PTPRN2: variants seen among roughly 807,000 people sequenced by gnomAD.
The protein encoded by PTPRN2 is protein tyrosine phosphatase receptor type N2.
PTPRN2 carries 74 observed loss-of-function variants against 118.8 expected under a neutral mutation model. That is an observed-to-expected ratio of 0.62 (90% CI 0.52 to 0.76). The LOEUF is 0.76. Ranked by LOEUF, PTPRN2 falls within the 30% of genes least tolerant of loss-of-function variation. The pLI is 0.00. For missense variants in PTPRN2, 1,481 were observed against 1,394.4 expected, an observed-to-expected ratio of 1.06 and a Z score of -0.99; for synonymous variants, 641 against 608.0, an observed-to-expected ratio of 1.05 and a Z score of -0.80.
intron 11 of PTPRN2, among the ~76,000 whole-genome samples, chr7:157,948,932 C>T (rs1457908930): frequency 6.6e-6 from 1 of 152,038 alleles, no homozygotes; most frequent in Non-Finnish European, 1.5e-5. Flanking sequence ...ATATAGTACT[C>T]GTGGGATTCA....
At chr7:157,961,807 T>C (rs1393519312) in intron 11 of PTPRN2, among the ~76,000 whole-genome samples, 1 of 152,346 alleles carries the variant, frequency 6.6e-6, no homozygotes, top group East Asian at 1.9e-4. Flanking sequence ...TGTCTACTTA[T>C]GGGAGCCCGA....
At chr7:157,820,220 C>T (rs556618333) in intron 12 of PTPRN2, among the ~76,000 whole-genome samples, 5 of 150,662 alleles carry the variant, frequency 3.3e-5, no homozygotes, top group African/African-American at 1.2e-4. Context: ...CCCACACAGT[C>T]ACACACCAAC....
intron 2 of PTPRN2, among the ~76,000 whole-genome samples, chr7:158,441,041 A>G (rs1271376085): frequency 9.6e-6 from 1 of 103,832 alleles, no homozygotes; most frequent in African/African-American, 4.0e-5. Context: ...CAGTGGTAGT[A>G]GTGATGGTGG....
rs1795588652 is a variant in PTPRN2 at position 157,874,459 on chromosome 7, G to A, written c.1788+24214C>T. Among the ~76,000 whole-genome samples the A allele has an allele frequency of 6.6e-6, 1 of 152,170 alleles. No homozygotes were observed. The highest frequency in any genetic ancestry group is 2.4e-5 in the African/African-American group (1 of 41,434). On this transcript the variant is annotated intron_variant, in intron 12 of 22. Coordinates refer to ENST00000389418, the MANE Select transcript of PTPRN2 (RefSeq NM_002847.5). The surrounding 1 kb of genome is among the most constrained non-coding windows in gnomAD (Gnocchi z 5.8). ...CTCTGCTTCTGTCCACATGGCCCCA[G>A]CCACAGTGCCTTCCTGCCAGCCAAC...
rs574418995 is a variant in PTPRN2, at chr7:158,332,424, A to G, written c.164-15492T>C. On this transcript the variant is annotated intron_variant, in intron 2 of 22. Transcript: ENST00000389418. ...ACCCATACTCTCAACATAAGAGCTGACACCTGCAGACGTCACTCACACCCA... is the reference window on the plus strand; with the variant it reads ...ACCCATACTCTCAACATAAGAGCTGGCACCTGCAGACGTCACTCACACCCA... Among the ~76,000 whole-genome samples, 1,383 of 150,218 alleles carry G rather than the reference A, an allele frequency of 9.2e-3. 57 individuals carry two copies. The highest frequency in any genetic ancestry group is 0.033 in the African/African-American group (1,311 of 39,908).
chr7:158,071,370 G>C (rs1363483167), intron 11 of PTPRN2, among the ~76,000 whole-genome samples: 18 of 85,382 alleles, frequency 2.1e-4, no homozygotes, highest in South Asian at 4.3e-4. Context: ...GGTGCTCATG[G>C]TGGTGGAGGT....
At chr7:158,178,870 T>A (rs1346857280) in intron 5 of PTPRN2, among the ~76,000 whole-genome samples, 1 of 152,192 alleles carries the variant, frequency 6.6e-6, no homozygotes, top group African/African-American at 2.4e-5. Context: ...GTGCTATGAT[T>A]ATAGGCGTGA....
chr7:158,071,261 CGTG>C (rs1460065740), intron 11 of PTPRN2, among the ~76,000 whole-genome samples: 1 of 44,306 alleles, frequency 2.3e-5, no homozygotes, highest in African/African-American at 5.7e-5. Flanking sequence ...TGGAGGTGCC[CGTG>C]GTGGTGGAGG....
At chr7:158,492,712 A>G (rs916186510) in intron 1 of PTPRN2, among the ~76,000 whole-genome samples, 7 of 152,238 alleles carry the variant, frequency 4.6e-5, no homozygotes, top group Non-Finnish European at 1.0e-4. Context: ...TTTGTTCTAA[A>G]ATTACGAAAG....
chr7:157,847,446 C>T (rs550967409), intron 12 of PTPRN2, among the ~76,000 whole-genome samples: 3 of 150,708 alleles, frequency 2.0e-5, no homozygotes, highest in Admixed American at 2.0e-4. Flanking sequence ...CTGATGTCTA[C>T]AAAGCCCTCT....
intron 11 of PTPRN2, among the ~76,000 whole-genome samples, chr7:158,017,663 A>G (rs1415790914): frequency 1.3e-5 from 2 of 152,108 alleles, no homozygotes; most frequent in Non-Finnish European, 2.9e-5. Flanking sequence ...ACAGGAGGGA[A>G]TGACTGACTC....
chr7:157,586,273 T>G (rs1193305233), intron 17 of PTPRN2, among the ~76,000 whole-genome samples: 1 of 152,110 alleles, frequency 6.6e-6, no homozygotes, highest in African/African-American at 2.4e-5. Flanking sequence ...AATCAACCCA[T>G]CTGTGACGTA....
At chr7:158,272,108 A>C (rs1798551689) in intron 3 of PTPRN2, among the ~76,000 whole-genome samples, 1 of 152,234 alleles carries the variant, frequency 6.6e-6, no homozygotes, top group Non-Finnish European at 1.5e-5. Context: ...CTACAACGTG[A>C]AAATGATCAC....
chr7:157,924,025 G>A (rs543493279), intron 11 of PTPRN2, among the ~76,000 whole-genome samples: 2 of 152,258 alleles, frequency 1.3e-5, no homozygotes, highest in East Asian at 1.9e-4. Flanking sequence ...GACCCCATGG[G>A]CACCCATAGC....
intron 10 of PTPRN2, among the ~76,000 whole-genome samples, chr7:158,083,316 GA>G (rs1170756987): frequency 6.6e-6 from 1 of 152,120 alleles, no homozygotes. Flanking sequence ...AAAATTAAGA[GA>G]AAGTCCTCAT....
intron 2 of PTPRN2, among the ~76,000 whole-genome samples, chr7:158,341,346 C>A (rs1217856886): frequency 6.6e-6 from 1 of 151,194 alleles, no homozygotes; most frequent in Non-Finnish European, 1.5e-5. Context: ...CACACTCTCA[C>A]CATAAGAGGT....
chr7:157,731,937 C>T (rs868039437), intron 12 of PTPRN2, among the ~76,000 whole-genome samples: 269 of 3,024 alleles, frequency 0.089, 4 homozygotes, highest in East Asian at 0.2. Context: ...GTTACCCTTT[C>T]CCGTCCCATG....
intron 5 of PTPRN2, among the ~76,000 whole-genome samples, chr7:158,173,269 G>T (rs1200043161): frequency 1.3e-5 from 2 of 152,140 alleles, no homozygotes; most frequent in African/African-American, 2.4e-5. Context: ...TTCAACACAG[G>T]TTCTTTTCTA....
chr7:157,561,733 C>G (rs1214662304), intron 21 of PTPRN2, among the ~76,000 whole-genome samples: 1 of 152,264 alleles, frequency 6.6e-6, no homozygotes, highest in Non-Finnish European at 1.5e-5. Context: ...GTGAGTGAAG[C>G]TGCCATCTCT....
Sources: allele counts gnomAD v4.1 joint callset (sites outside exome capture counted in the v4.1 genomes callset), GRCh38; gene constraint gnomAD v4.1.1; non-coding constraint Gnocchi (gnomAD v3.1); transcripts MANE v1.5; gene names NCBI Gene and HGNC (gene_info 2026-07-23, HGNC 2026-07-21).